DES: variants seen among roughly 807,000 people sequenced by gnomAD.
DES encodes desmin.
DES carries 34 observed loss-of-function variants against 55.1 expected under a neutral mutation model. That is an observed-to-expected ratio of 0.62 (90% CI 0.47 to 0.82). The LOEUF (loss-of-function observed/expected upper bound fraction) is 0.82. DES is among the 40% of genes least tolerant of loss of function. The probability of loss-of-function intolerance (pLI) is 0.00; values close to 1 mark genes in which losing one functional copy is unlikely to be tolerated. For missense variants in DES, 596 were observed against 645.9 expected, an observed-to-expected ratio of 0.92 and a Z score of 0.84; for synonymous variants, 259 against 270.8, an observed-to-expected ratio of 0.96 and a Z score of 0.43.
Position 219,419,162 on chromosome 2 carries a change from C to T in DES, c.578+122C>T. The T allele has an allele frequency of 1.3e-6, 2 of 1,505,738 alleles. No homozygotes were observed. Among genetic ancestry groups the T allele is most frequent in the South Asian group, 2.5e-5 (2 of 81,306 alleles). The allele number at this position is 1,505,738 out of a possible 1,614,324, so 93.3% of individuals were successfully genotyped here. On this transcript the variant is annotated intron_variant, in intron 1 of 8. Coordinates refer to ENST00000373960, the MANE Select transcript of DES (RefSeq NM_001927.4). The surrounding 1 kb of genome is among the most constrained non-coding windows in gnomAD (Gnocchi z 4.3). ...CGGGGCCCGGGACCCTCTCCTGCCC[C>T]ATGTGGAGAAAGGGTCCTCCACCTG...
Position 219,420,768 on chromosome 2 carries a change from G to T in DES, c.898-60G>T. 1.2e-6 allele frequency: 2 copies of T among 1,613,524 alleles called. No individual in the cohort carries two copies. Among genetic ancestry groups the T allele is most frequent in the South Asian group, 2.2e-5 (2 of 91,050 alleles). ...GAGCCCAGAGGCTTCATGCTCCCTT[G>T]CTCATCCCTACCCGTGCCCTGCATC... On this transcript the variant is annotated intron_variant, in intron 4 of 8. Transcript: ENST00000373960. The surrounding 1 kb of genome is among the most constrained non-coding windows in gnomAD (Gnocchi z 6.0).
In DES at chr2:219,420,320, G is replaced by A. The variant is rs397516697; in HGVS notation, c.709G>A (p.Ala237Thr). Residue 237 changes from alanine (A) to threonine (T), a missense_variant, in exon 3 of 9, where the codon GCG (alanine) becomes ACG (threonine). Coordinates refer to ENST00000373960, the MANE Select transcript of DES (RefSeq NM_001927.4). The surrounding 1 kb of genome is among the most constrained non-coding windows in gnomAD (Gnocchi z 6.0). ...AATTGAATCTCTCAACGAGGAGATC[G>A]CGTTCCTTAAGAAAGTGCATGAAGA... ...RRIESLNEEI[A>T]FLKKVHEEEI... 3.0e-5 allele frequency: 48 copies of A among 1,614,014 alleles called. No individual in the cohort carries two copies. The highest frequency in any genetic ancestry group is 2.5e-5 in the Non-Finnish European group (30 of 1,180,056).
rs748235694 is a variant in DES, at chr2:219,426,008, C to T, written c.*18C>T. The T allele has an allele frequency of 6.2e-7, 1 of 1,613,930 alleles. No individual in the cohort carries two copies. The highest frequency in any genetic ancestry group is 8.5e-7 in the Non-Finnish European group (1 of 1,179,932). On this transcript the variant is annotated 3_prime_UTR_variant, in exon 9 of 9. Transcript: ENST00000373960. This position sits in a 1 kb window ranked among gnomAD's most constrained non-coding sequence, Gnocchi z 4.5. The stretch of plus-strand genomic sequence containing the variant: ...TGCTCTAAAGACAGAGACCCTCTGC[C>T]ACCAGAGACCGTCCTCACCCCTGTC...
At chr2:219,424,906 T>C (rs1376968618) in intron 7 of DES, among the ~76,000 whole-genome samples, 1 of 152,224 alleles carries the variant, frequency 6.6e-6, no homozygotes, top group African/African-American at 2.4e-5. Flanking sequence ...TCTGAATTTT[T>C]TTTTTCTTTT....
In DES at chr2:219,420,630, G is replaced by A; in HGVS notation, c.871G>A (p.Glu291Lys). ...YETIAAKNIS[E>K]AEEWYKSKVS... Reference sequence around the variant, plus strand: ...GACCATCGCGGCTAAGAACATTTCTGAAGCTGAGGAGTGGTACAAGTCGAA... The same window carrying A: ...GACCATCGCGGCTAAGAACATTTCTAAAGCTGAGGAGTGGTACAAGTCGAA... The change falls in exon 4 of 9, where the codon GAA becomes AAA. Residue 291 changes from glutamate (E) to lysine (K), a missense_variant. Coordinates refer to ENST00000373960, the MANE Select transcript of DES (RefSeq NM_001927.4). The surrounding 1 kb of genome is among the most constrained non-coding windows in gnomAD (Gnocchi z 6.0). 2 of 1,614,100 alleles carry A rather than the reference G, an allele frequency of 1.2e-6. No individual in the cohort carries two copies. Among genetic ancestry groups the A allele is most frequent in the African/African-American group, 2.7e-5 (2 of 75,014 alleles).
chr2:219,418,417 C>T lies in DES; in HGVS notation c.-46C>T. ...ATCCACTCTCCGGCCGGCCGCCTGC[C>T]CGCCGCCTCCTCCGTGCGCCCGCCA... On this transcript the variant is annotated 5_prime_UTR_variant, in exon 1 of 9. Transcript: ENST00000373960. 7.2e-6 allele frequency: 11 copies of T among 1,533,478 alleles called. No individual in the cohort carries two copies. Among genetic ancestry groups the T allele is most frequent in the South Asian group, 1.2e-5 (1 of 83,654 alleles). 95.0% of individuals were successfully genotyped at this position (1,533,478 alleles called of 1,614,324 possible). A position where few individuals can be genotyped will look rare whatever the true frequency, so the allele number is the denominator to read the frequency against.
At chr2:219,421,727 C>T (rs1954448755) in intron 6 of DES, among the ~76,000 whole-genome samples, 167 bp downstream of exon 6, 1 of 151,794 alleles carries the variant, frequency 6.6e-6, no homozygotes, top group Non-Finnish European at 1.5e-5. Flanking sequence ...AGTGCAATGG[C>T]ACCATCTTGG....
Position 219,426,361 on chromosome 2 carries a change from G to T in DES, c.*371G>T. 1 of 421,580 alleles carries T rather than the reference G, an allele frequency of 2.4e-6. No individual in the cohort carries two copies. Among genetic ancestry groups the T allele is most frequent in the Non-Finnish European group, 4.5e-6 (1 of 223,212 alleles). The allele number at this position is 421,580 out of a possible 1,614,324, so 26.1% of individuals were successfully genotyped here. A position where few individuals can be genotyped will look rare whatever the true frequency, so the allele number is the denominator to read the frequency against. On this transcript the variant is annotated 3_prime_UTR_variant, in exon 9 of 9. Transcript: ENST00000373960. This position sits in a 1 kb window ranked among gnomAD's most constrained non-coding sequence, Gnocchi z 4.5. ...CCCCAGAGCAGGGTGTTGGGATACT[G>T]CAGGGCCAGGACTGAGCCCCGCAGA...
Position 219,421,427 on chromosome 2 carries a change from G to T in DES, c.1111G>T (p.Glu371Ter). The change falls in exon 6 of 9, where the codon GAG (glutamate) becomes TAG (stop). Residue 371 changes from glutamate (E) to a stop codon, truncating the protein, a stop_gained. Transcript: ENST00000373960. LOFTEE classifies it high-confidence loss of function. ...SGYQDNIARL[E>*]EEIRHLKDEM... ...CTACCAGGACAACATTGCGCGCCTG[G>T]AGGAGGAAATCCGGCACCTCAAGGA... 6.2e-7 allele frequency: 1 copy of T among 1,614,040 alleles called. No individual in the cohort carries two copies.
chr2:219,420,621 A>G lies in DES; in HGVS notation c.862A>G (p.Asn288Asp). Residue 288 changes from asparagine to aspartate, a missense_variant, in exon 4 of 9, where the codon AAC becomes GAC. Transcript: ENST00000373960. The surrounding 1 kb of genome is among the most constrained non-coding windows in gnomAD (Gnocchi z 6.0). ...TCAGTATGAGACCATCGCGGCTAAG[A>G]ACATTTCTGAAGCTGAGGAGTGGTA... ...RAQYETIAAK[N>D]ISEAEEWYKS... The G allele has an allele frequency of 6.2e-7, 1 of 1,613,978 alleles. No homozygotes were observed. Among genetic ancestry groups the G allele is most frequent in the Non-Finnish European group, 8.5e-7 (1 of 1,180,016 alleles).
chr2:219,420,742 A>T lies in DES; in HGVS notation c.897+86A>T, dbSNP rs1427198752. 1 of 1,613,322 alleles carries T rather than the reference A, an allele frequency of 6.2e-7. No homozygotes were observed. Among genetic ancestry groups the T allele is most frequent in the African/African-American group, 1.3e-5 (1 of 74,846 alleles). On this transcript the variant is annotated intron_variant, in intron 4 of 8. Coordinates refer to ENST00000373960, the MANE Select transcript of DES (RefSeq NM_001927.4). The surrounding 1 kb of genome is among the most constrained non-coding windows in gnomAD (Gnocchi z 6.0). Reference sequence around the variant, plus strand: ...TGCCTGTGGTACCATCCATGGGAGGAGAGCCCAGAGGCTTCATGCTCCCTT... The same window carrying T: ...TGCCTGTGGTACCATCCATGGGAGGTGAGCCCAGAGGCTTCATGCTCCCTT...
intron 6 of DES, 109 bp downstream of exon 6, chr2:219,421,669 A>ATTTTT: frequency 1.2e-6 from 1 of 826,586 alleles, no homozygotes; most frequent in Non-Finnish European, 1.8e-6. Flanking sequence ...CCTGGAAACA[A>ATTTTT]TTTTTTTTTT....
Position 219,419,527 on chromosome 2 carries a change from G to C in DES, c.578+487G>C, listed in dbSNP as rs1024829487. On this transcript the variant is annotated intron_variant, in intron 1 of 8. Transcript: ENST00000373960. This position sits in a 1 kb window ranked among gnomAD's most constrained non-coding sequence, Gnocchi z 4.3. Reference sequence around the variant, plus strand: ...TGAGGCCCTGGGGGAGGTGGGGGGAGGGGGGAGCTTGGCCCTGGGGCCTTG... The same window carrying C: ...TGAGGCCCTGGGGGAGGTGGGGGGACGGGGGAGCTTGGCCCTGGGGCCTTG... Among the ~76,000 whole-genome samples, 23 of 152,150 alleles carry C rather than the reference G, an allele frequency of 1.5e-4. No homozygotes were observed. The highest frequency in any genetic ancestry group is 7.2e-4 in the Admixed American group (11 of 15,296).
chr2:219,423,980 GT>G, intron 7 of DES, 160 bp downstream of exon 7: 2 of 760,636 alleles, frequency 2.6e-6, no homozygotes, highest in Non-Finnish European at 4.5e-6. Flanking sequence ...AGGTGGGGGA[GT>G]TTAGGTAGAG....
At position 219,420,137 on chromosome 2, in the gene DES, T is replaced by C. The variant is rs763036386; in HGVS notation, c.621T>C (p.Asn207=). 3 of 1,614,088 alleles carry C rather than the reference T, an allele frequency of 1.9e-6. No individual in the cohort carries two copies. In the African/African-American group the frequency reaches 4.0e-5, roughly 22 times the overall value. The change falls in exon 2 of 9, where the codon AAT becomes AAC. Residue 207 remains asparagine (N), a synonymous_variant. Transcript: ENST00000373960. This position sits in a 1 kb window ranked among gnomAD's most constrained non-coding sequence, Gnocchi z 6.0. The part of the protein sequence containing the change: ...EIQLKEEAEN[N]LAAFRADVDA... ...AGTTGAAGGAAGAAGCAGAGAACAA[T>C]TTGGCTGCCTTCCGAGCGGTGAGTG... is the stretch of plus-strand genomic sequence containing the variant.
Position 219,425,188 on chromosome 2 carries a change from C to T in DES, c.1289-475C>T, listed in dbSNP as rs73991548. On this transcript the variant is annotated intron_variant, in intron 7 of 8. Coordinates refer to ENST00000373960, the MANE Select transcript of DES (RefSeq NM_001927.4). ...CTGGGATTACAGATGTGAGCCACCG[C>T]ACCTGGCCCTGAAATCTTAAAGGGA... 8.1e-3 allele frequency: 1,384 copies of T among 171,132 alleles called. 21 individuals carry two copies. The highest frequency in any genetic ancestry group is 0.031 in the African/African-American group (1,301 of 41,984). 10.6% of individuals were successfully genotyped at this position (171,132 alleles called of 1,614,324 possible).
In DES at chr2:219,418,649, G is replaced by T; in HGVS notation, c.187G>T (p.Ala63Ser). The T allele has an allele frequency of 4.4e-6, 7 of 1,595,890 alleles. No homozygotes were observed. The highest frequency in any genetic ancestry group is 1.7e-4 in the Middle Eastern group (1 of 6,010). The change falls in exon 1 of 9, where the codon GCC becomes TCC. Residue 63 changes from alanine (A) to serine (S), a missense_variant. Ala to Ser is a moderately conservative substitution (Grantham distance 99). Coordinates refer to ENST00000373960, the MANE Select transcript of DES (RefSeq NM_001927.4). ...VYQVSRTSGGAGGLGSLRASR... is the reference protein window; with the variant it reads ...VYQVSRTSGGSGGLGSLRASR... The stretch of plus-strand genomic sequence containing the variant: ...CCAGGTGTCGCGCACGTCGGGCGGG[G>T]CCGGGGGCCTGGGGTCGCTGCGGGC...
In DES at chr2:219,420,676, G is replaced by A. The variant is rs776035165; in HGVS notation, c.897+20G>A. On this transcript the variant is annotated intron_variant, in intron 4 of 8. Transcript: ENST00000373960. The surrounding 1 kb of genome is among the most constrained non-coding windows in gnomAD (Gnocchi z 6.0). The stretch of plus-strand genomic sequence containing the variant: ...TCGAAGGTGGGTGGCCTCGCCCGGG[G>A]ACTGGCATCTCCGTCCCCCTGAATC... 1 of 1,613,886 alleles carries A rather than the reference G, an allele frequency of 6.2e-7. No homozygotes were observed. The highest frequency in any genetic ancestry group is 1.7e-5 in the Admixed American group (1 of 60,002).
At position 219,419,174 on chromosome 2, in the gene DES, G is replaced by C. The variant is rs1954387448; in HGVS notation, c.578+134G>C. 9.4e-6 allele frequency: 14 copies of C among 1,487,576 alleles called. No individual in the cohort carries two copies. Among genetic ancestry groups the C allele is most frequent in the Non-Finnish European group, 3.6e-6 (4 of 1,118,628 alleles). The allele number at this position is 1,487,576 out of a possible 1,614,324, so 92.1% of individuals were successfully genotyped here. Reference sequence around the variant, plus strand: ...CCCTCTCCTGCCCCATGTGGAGAAAGGGTCCTCCACCTGTGTGTTTCAAGG... The same window carrying C: ...CCCTCTCCTGCCCCATGTGGAGAAACGGTCCTCCACCTGTGTGTTTCAAGG... On this transcript the variant is annotated intron_variant, in intron 1 of 8. Transcript: ENST00000373960. The surrounding 1 kb of genome is among the most constrained non-coding windows in gnomAD (Gnocchi z 4.3).
Sources: gnomAD v4.1 joint callset for allele counts (sites outside exome capture counted in the v4.1 genomes callset) on GRCh38, gnomAD v4.1.1 for gene constraint, Gnocchi (gnomAD v3.1) non-coding constraint, MANE v1.5 for transcripts, NCBI Gene and HGNC (gene_info 2026-07-23, HGNC 2026-07-21) for gene names.